The following NDST4 variants were observed in gnomAD, a reference collection of about 807,000 sequenced individuals.
NDST4 encodes N-deacetylase and N-sulfotransferase 4, also known as N-heparan sulfate sulfotransferase 4.
A neutral mutation model predicts 100.8 loss-of-function variants in NDST4; 63 were observed. The observed-to-expected ratio is 0.62, with a 90% CI of 0.51 to 0.77. The LOEUF is 0.77. NDST4 is among the 30% of genes least tolerant of loss of function. The pLI, the probability that NDST4 is intolerant of heterozygous loss-of-function variation, is 0.00. For synonymous variants in NDST4, 377 were observed against 361.8 expected, an observed-to-expected ratio of 1.04 and a Z score of -0.48; for missense variants, 943 against 1,018.4, an observed-to-expected ratio of 0.93 and a Z score of 1.01.
intron 2 of NDST4, among the ~76,000 whole-genome samples, chr4:115,072,885 G>A (rs1424176610): frequency 1.3e-5 from 2 of 151,960 alleles, no homozygotes; most frequent in African/African-American, 4.8e-5. Context: ...ACAGAGTGAA[G>A]AGACAACATA....
intron 2 of NDST4, among the ~76,000 whole-genome samples, chr4:115,016,550 C>G (rs1289188761): frequency 6.6e-6 from 1 of 152,074 alleles, no homozygotes; most frequent in Non-Finnish European, 1.5e-5. Context: ...ATGAAGACTG[C>G]CACTTGACCA....
chr4:115,060,308 T>C (rs992912706), intron 2 of NDST4, among the ~76,000 whole-genome samples: 21 of 151,980 alleles, frequency 1.4e-4, no homozygotes, highest in Non-Finnish European at 1.5e-5. Flanking sequence ...CAAAAGTTTC[T>C]AAGAAAGGAA....
intron 6 of NDST4, among the ~76,000 whole-genome samples, chr4:114,897,242 A>T (rs1560801137): frequency 6.6e-6 from 1 of 152,032 alleles, no homozygotes; most frequent in Non-Finnish European, 1.5e-5. Context: ...TTTCATCCCT[A>T]TCTTCCCTCT....
At chr4:115,068,061 A>G (rs1728990126) in intron 2 of NDST4, among the ~76,000 whole-genome samples, 1 of 151,934 alleles carries the variant, frequency 6.6e-6, no homozygotes, top group South Asian at 2.1e-4. Flanking sequence ...TGTCCCTACA[A>G]AGAGAAGATT....
At chr4:114,978,888 A>T (rs74843994) in intron 2 of NDST4, among the ~76,000 whole-genome samples, 4,279 of 152,144 alleles carry the variant, frequency 0.028, 139 homozygotes, top group African/African-American at 0.072. Context: ...TACTTCTGAA[A>T]ATTTATTTTA....
At chr4:115,026,425 T>A (rs79528674) in intron 2 of NDST4, among the ~76,000 whole-genome samples, 22 of 127,892 alleles carry the variant, frequency 1.7e-4, no homozygotes, top group Non-Finnish European at 3.2e-4. Context: ...TATTTTTTTT[T>A]AAAGTACACA....
intron 10 of NDST4, among the ~76,000 whole-genome samples, chr4:114,840,040 C>T (rs947288139): frequency 6.6e-6 from 1 of 152,130 alleles, no homozygotes; most frequent in Non-Finnish European, 1.5e-5. Flanking sequence ...CCATTACTGC[C>T]ACTCCTTCAG....
At position 115,068,135 on chromosome 4, in the gene NDST4, G is replaced by GT. The variant is rs954632311; in HGVS notation, c.978+7923dup. On this transcript the variant is annotated intron_variant, in intron 2 of 13. Transcript: ENST00000264363. ...GTGTTTTCAAGACCCTCTATTAACTGTTTTTTTTAAATATCTGTTAACTTA... is the reference window on the plus strand; with the variant it reads ...GTGTTTTCAAGACCCTCTATTAACTGTTTTTTTTTAAATATCTGTTAACTTA... Among the ~76,000 whole-genome samples the GT allele has an allele frequency of 8.6e-5, 13 of 151,798 alleles. 1 individual carries two copies. Among genetic ancestry groups the GT allele is most frequent in the East Asian group, 1.9e-4 (1 of 5,164 alleles).
intron 4 of NDST4, among the ~76,000 whole-genome samples, chr4:114,969,390 C>A (rs1018978655): frequency 6.7e-6 from 1 of 148,176 alleles, no homozygotes; most frequent in African/African-American, 2.5e-5. Context: ...TAAATTGTGT[C>A]ATGGAGTTTC....
At chr4:115,092,982 T>A (rs536684279) in intron 1 of NDST4, among the ~76,000 whole-genome samples, 1 of 152,140 alleles carries the variant, frequency 6.6e-6, no homozygotes, top group Non-Finnish European at 1.5e-5. Flanking sequence ...AAAGTAATCA[T>A]GAAAAAGATA....
At chr4:114,981,455 C>A (rs1726770936) in intron 2 of NDST4, among the ~76,000 whole-genome samples, 1 of 152,062 alleles carries the variant, frequency 6.6e-6, no homozygotes, top group Admixed American at 6.6e-5. Flanking sequence ...TACAAATGTG[C>A]ACTTCATCAT....
At chr4:115,030,016 A>T (rs1728081288) in intron 2 of NDST4, among the ~76,000 whole-genome samples, 1 of 151,494 alleles carries the variant, frequency 6.6e-6, no homozygotes, top group East Asian at 1.9e-4. Flanking sequence ...AAGTCAATAT[A>T]TTTTACCTTA....
At chr4:114,904,689 G>A (rs1321992611) in intron 6 of NDST4, among the ~76,000 whole-genome samples, 1 of 151,058 alleles carries the variant, frequency 6.6e-6, no homozygotes, top group Non-Finnish European at 1.5e-5. Context: ...AGAATGTTGT[G>A]TAATTTGTAG....
chr4:114,937,692 T>C (rs996298480), intron 4 of NDST4, among the ~76,000 whole-genome samples, 189 bp from the exon 5 acceptor site: 2 of 152,162 alleles, frequency 1.3e-5, no homozygotes, highest in African/African-American at 2.4e-5. Flanking sequence ...ATAACAGATA[T>C]AGTCATTACT....
At chr4:115,079,304 A>G (rs146458674) in intron 1 of NDST4, among the ~76,000 whole-genome samples, 1,677 of 151,478 alleles carry the variant, frequency 0.011, 15 homozygotes, top group African/African-American at 0.02. Context: ...GTGAGCTGAG[A>G]TCACACAACT....
At chr4:115,101,768 AG>A (rs1729734719) in intron 1 of NDST4, among the ~76,000 whole-genome samples, 1 of 152,104 alleles carries the variant, frequency 6.6e-6, no homozygotes, top group African/African-American at 2.4e-5. Context: ...AGGAATTGAA[AG>A]AGTTAATAGG....
chr4:114,844,758 A>G lies in NDST4; in HGVS notation c.2115+1065T>C, dbSNP rs377741332. ...GCAGAATATTCCATTTTAGTATGACACAAATCTATGTCAATGAACACTTTC... is the reference window on the plus strand; with the variant it reads ...GCAGAATATTCCATTTTAGTATGACGCAAATCTATGTCAATGAACACTTTC... On this transcript the variant is annotated intron_variant, in intron 10 of 13. Coordinates refer to ENST00000264363, the MANE Select transcript of NDST4 (RefSeq NM_022569.3). 3.6e-3 allele frequency among the ~76,000 whole-genome samples: 544 copies of G among 152,350 alleles called. 3 individuals are homozygous for G. The highest frequency in any genetic ancestry group is 0.013 in the African/African-American group (528 of 41,582).
In NDST4 at chr4:114,968,660, T is replaced by C. The variant is rs560242084; in HGVS notation, c.1221+1770A>G. On this transcript the variant is annotated intron_variant, in intron 4 of 13. Transcript: ENST00000264363. ...CAACAAAATTTTATTTATGAACATT[T>C]AAATGTAAATTTTATATAATTTTTA... Among the ~76,000 whole-genome samples the C allele has an allele frequency of 7.8e-4, 119 of 152,334 alleles. 1 individual carries two copies. Among genetic ancestry groups the C allele is most frequent in the African/African-American group, 2.8e-3 (115 of 41,574 alleles).
chr4:115,051,804 G>A (rs1029581378), intron 2 of NDST4, among the ~76,000 whole-genome samples: 11 of 152,024 alleles, frequency 7.2e-5, no homozygotes, highest in East Asian at 1.9e-4. Context: ...TTATATGGAA[G>A]TTTTATTTTT....
Sources: allele counts gnomAD v4.1 joint callset (sites outside exome capture counted in the v4.1 genomes callset), GRCh38; gene constraint gnomAD v4.1.1; transcripts MANE v1.5; gene names NCBI Gene and HGNC (gene_info 2026-07-23, HGNC 2026-07-21).